EIF3E: variants seen among roughly 807,000 people sequenced by gnomAD.
The protein encoded by EIF3E is eukaryotic translation initiation factor 3 subunit E, also known as eIF-3 p48.
EIF3E carries 25 observed loss-of-function variants against 59.3 expected under a neutral mutation model. The observed-to-expected ratio is 0.42, with a 90% CI of 0.31 to 0.59. The LOEUF is 0.59. Among genes scored for constraint, EIF3E ranks in the 20% least tolerant of loss-of-function variants. EIF3E has a pLI of 0.15. For synonymous variants in EIF3E, 176 were observed against 170.2 expected, an observed-to-expected ratio of 1.03 and a Z score of -0.26; for missense variants, 317 against 534.3, an observed-to-expected ratio of 0.59 and a Z score of 4.01.
rs946057361 is a variant in EIF3E, at chr8:108,204,762, G to T, written c.1062-1259C>A. ...ATATATATATAGAGAGAGAGAGAGA[G>T]AGAGAGAGAGAGAGAGAGACAGAGA... On this transcript the variant is annotated intron_variant, in intron 10 of 12. Coordinates refer to ENST00000220849, the MANE Select transcript of EIF3E (RefSeq NM_001568.3). 7.3e-3 allele frequency among the ~76,000 whole-genome samples: 938 copies of T among 128,966 alleles called. 4 individuals carry two copies. The highest frequency in any genetic ancestry group is 0.018 in the African/African-American group (518 of 29,168). 84.6% of individuals were successfully genotyped at this position (128,966 alleles called of 152,430 possible). A position where few individuals can be genotyped will look rare whatever the true frequency, so the allele number is the denominator to read the frequency against.
rs1186284819 is a variant in EIF3E at position 108,234,976 on chromosome 8, A to C, written c.471+22T>G. The C allele has an allele frequency of 4.2e-6, 6 of 1,438,132 alleles. No individual in the cohort carries two copies. The African/African-American group carries it at 5.8e-5, about 14-fold the overall frequency. 89.1% of individuals were successfully genotyped at this position (1,438,132 alleles called of 1,614,324 possible). ...TACAAAAGACAAAAAAAAAAAAAAA[A>C]AAAACATGTACTTATACTTACCAGC... On this transcript the variant is annotated intron_variant, in intron 5 of 12. Transcript: ENST00000220849.
chr8:108,226,727 T>C (rs1246006622), intron 7 of EIF3E, among the ~76,000 whole-genome samples: 2 of 152,170 alleles, frequency 1.3e-5, no homozygotes, highest in East Asian at 3.9e-4. Context: ...TATATTCCCA[T>C]ATGCACACAC....
chr8:108,236,563 T>C (rs2129913523), intron 3 of EIF3E, among the ~76,000 whole-genome samples: 1 of 152,326 alleles, frequency 6.6e-6, no homozygotes, highest in South Asian at 2.1e-4. Context: ...GAATGGTTTT[T>C]GCTCTATGTG....
At chr8:108,242,659 G>C in intron 1 of EIF3E, 1 of 1,133,448 alleles carries the variant, frequency 8.8e-7, no homozygotes. Context: ...AGCCATGAGA[G>C]CAAAATCGAA....
At chr8:108,209,985 G>T (rs1405656373) in intron 10 of EIF3E, among the ~76,000 whole-genome samples, 4 of 151,512 alleles carry the variant, frequency 2.6e-5, no homozygotes, top group African/African-American at 9.7e-5. Context: ...GGACATAGGG[G>T]GTCTTTTTAT....
intron 10 of EIF3E, among the ~76,000 whole-genome samples, chr8:108,210,557 A>C (rs895422316): frequency 6.6e-6 from 1 of 152,194 alleles, no homozygotes; most frequent in Non-Finnish European, 1.5e-5. Flanking sequence ...AGCTGTATTT[A>C]TAAAATCCCA....
At chr8:108,204,559 T>TA (rs1005073713) in intron 10 of EIF3E, among the ~76,000 whole-genome samples, 1 of 151,778 alleles carries the variant, frequency 6.6e-6, no homozygotes, top group African/African-American at 2.4e-5. Flanking sequence ...ACACCACGTG[T>TA]ACTCCAAAAG....
rs569563457 is a variant in EIF3E, at chr8:108,247,172, T to C, written c.90+1441A>G. Reference sequence around the variant, plus strand: ...CTCAACTGCCTGCAGTTCATAGTTTTCGTCTAGCCCTATGAAAATCTAATT... The same window carrying C: ...CTCAACTGCCTGCAGTTCATAGTTTCCGTCTAGCCCTATGAAAATCTAATT... On this transcript the variant is annotated intron_variant, in intron 1 of 12. Transcript: ENST00000220849. Among the ~76,000 whole-genome samples, 10 of 152,320 alleles carry C rather than the reference T, an allele frequency of 6.6e-5. No homozygotes were observed. The South Asian group carries it at 1.9e-3, about 28-fold the overall frequency.
At chr8:108,237,932 G>T (rs1586208979) in intron 3 of EIF3E, among the ~76,000 whole-genome samples, 1 of 152,196 alleles carries the variant, frequency 6.6e-6, no homozygotes, top group Non-Finnish European at 1.5e-5. Context: ...TAGGTAGTCT[G>T]TAAGTATAAG....
intron 5 of EIF3E, among the ~76,000 whole-genome samples, chr8:108,231,073 T>C (rs945557179): frequency 1.3e-5 from 2 of 152,134 alleles, no homozygotes; most frequent in Admixed American, 1.3e-4. Context: ...GAAATGTTCT[T>C]TATCTTGACT....
At chr8:108,227,305 C>T (rs904709523) in intron 7 of EIF3E, 15 of 151,988 alleles carry the variant, frequency 9.9e-5, no homozygotes, top group African/African-American at 3.6e-4. Flanking sequence ...GTCTGGGCAA[C>T]ACAGCCAGAC....
intron 10 of EIF3E, among the ~76,000 whole-genome samples, chr8:108,211,598 T>TTA (rs1326902743): frequency 6.6e-6 from 1 of 152,234 alleles, no homozygotes; most frequent in African/African-American, 2.4e-5. Context: ...TAAAGCATCC[T>TTA]TAGAAACACG....
At chr8:108,223,701 A>C (rs1815464972) in intron 7 of EIF3E, among the ~76,000 whole-genome samples, 1 of 152,274 alleles carries the variant, frequency 6.6e-6, no homozygotes, top group South Asian at 2.1e-4. Flanking sequence ...ATAGCCTACG[A>C]ACACTGCTCT....
intron 5 of EIF3E, among the ~76,000 whole-genome samples, chr8:108,233,927 G>A (rs148844649): frequency 1.3e-5 from 2 of 151,280 alleles, no homozygotes; most frequent in African/African-American, 2.4e-5. Context: ...TCTCAAATGA[G>A]AGGCTAGTTA....
Position 108,236,153 on chromosome 8 carries a change from A to ACAG in EIF3E, c.366+7_366+8insCTG. 1 of 1,602,678 alleles carries ACAG rather than the reference A, an allele frequency of 6.2e-7. No individual in the cohort carries two copies. Among genetic ancestry groups the ACAG allele is most frequent in the Non-Finnish European group, 8.5e-7 (1 of 1,175,086 alleles). Reference sequence around the variant, plus strand: ...ATGACAACTTTAAAATATTTTTAAAACACTTACACCATGCTTGTCCGCCAG... The same window carrying ACAG: ...ATGACAACTTTAAAATATTTTTAAAACAGCACTTACACCATGCTTGTCCGCCAG... On this transcript the variant is annotated splice_region_variant and intron_variant, in intron 4 of 12. Transcript: ENST00000220849.
intron 10 of EIF3E, among the ~76,000 whole-genome samples, chr8:108,213,649 T>C (rs1419898368): frequency 6.6e-6 from 1 of 152,214 alleles, no homozygotes; most frequent in Admixed American, 6.5e-5. Context: ...GAGCCCCACA[T>C]ATGATGTACC....
chr8:108,239,268 C>T (rs116573553), intron 3 of EIF3E, among the ~76,000 whole-genome samples: 6 of 152,266 alleles, frequency 3.9e-5, no homozygotes, highest in Non-Finnish European at 5.9e-5. Context: ...TTGCAACCTC[C>T]GCCTCCCGGG....
chr8:108,229,221 T>C (rs370951877), intron 5 of EIF3E, 26 bp from the exon 6 acceptor site: 9 of 1,607,248 alleles, frequency 5.6e-6, no homozygotes, highest in Middle Eastern at 1.7e-4. Flanking sequence ...TAATTAATTA[T>C]ATTGTGAATA....
chr8:108,226,351 G>A (rs680848), intron 7 of EIF3E: 27,870 of 151,960 alleles, frequency 0.18, 2,860 homozygotes, highest in Middle Eastern at 0.23. Flanking sequence ...CTACCACCAC[G>A]TGGGGCTAAT....
Sources: gnomAD v4.1 joint callset for allele counts (sites outside exome capture counted in the v4.1 genomes callset) on GRCh38, gnomAD v4.1.1 for gene constraint, MANE v1.5 for transcripts, NCBI Gene and HGNC (gene_info 2026-07-23, HGNC 2026-07-21) for gene names.